REDIC1: variants seen among roughly 807,000 people sequenced by gnomAD.
REDIC1 encodes HEI10 Interacting Protein 1.
At chr12:39,711,207 A>G in the REDIC1 span, among the ~76,000 whole-genome samples, 1 of 150,184 alleles carries the variant, frequency 6.7e-6, no homozygotes, top group Non-Finnish European at 1.5e-5. Context: ...CTTCCTTTTT[A>G]TGGCTGCGTT....
At chr12:39,725,732 A>G in the REDIC1 span, among the ~76,000 whole-genome samples, 9 of 151,320 alleles carry the variant, frequency 5.9e-5, no homozygotes, top group African/African-American at 1.7e-4. Context: ...ATTCATGTAT[A>G]TTTTATATAT....
chr12:39,892,743 A>C, the REDIC1 span, among the ~76,000 whole-genome samples: 1 of 152,168 alleles, frequency 6.6e-6, no homozygotes, highest in South Asian at 2.1e-4. Context: ...ATTTGTTCCA[A>C]AGTAGTGACA....
chr12:39,767,966 A>G, the REDIC1 span, among the ~76,000 whole-genome samples: 2 of 152,190 alleles, frequency 1.3e-5, no homozygotes, highest in South Asian at 2.1e-4. Context: ...TCTTTCCTTT[A>G]TAAACTACCC....
At chr12:39,700,596 A>C in the REDIC1 span, among the ~76,000 whole-genome samples, 7 of 152,114 alleles carry the variant, frequency 4.6e-5, no homozygotes, top group African/African-American at 9.7e-5. Context: ...GCCACAAAAG[A>C]TACTCCTCAA....
At chr12:39,653,252 T>C in the REDIC1 span, among the ~76,000 whole-genome samples, 3 of 152,108 alleles carry the variant, frequency 2.0e-5, no homozygotes, top group East Asian at 5.8e-4. Flanking sequence ...CTTGTTTCTT[T>C]CTTCCTAGTA....
chr12:39,851,702 A>G, the REDIC1 span, among the ~76,000 whole-genome samples: 1 of 152,224 alleles, frequency 6.6e-6, no homozygotes, highest in Non-Finnish European at 1.5e-5. Context: ...AGCGGAATGA[A>G]GGATGGATTT....
At chr12:39,854,142 A>T in the REDIC1 span, among the ~76,000 whole-genome samples, 3 of 151,820 alleles carry the variant, frequency 2.0e-5, no homozygotes, top group Non-Finnish European at 4.4e-5. Context: ...TAAGGGAGGC[A>T]GGTGGACAGA....
At chr12:39,710,642 G>C in the REDIC1 span, among the ~76,000 whole-genome samples, 1 of 151,526 alleles carries the variant, frequency 6.6e-6, no homozygotes, top group Non-Finnish European at 1.5e-5. Flanking sequence ...CATTCAAAAC[G>C]TACTCTCTAT....
At chr12:39,843,107 G>A in the REDIC1 span, among the ~76,000 whole-genome samples, 11 of 152,012 alleles carry the variant, frequency 7.2e-5, no homozygotes, top group East Asian at 1.9e-4. Context: ...GAGTAGATAC[G>A]TGCTTTCAGT....
the REDIC1 span, chr12:39,646,746 GT>G: frequency 1.2e-6 from 1 of 810,344 alleles, no homozygotes; most frequent in Non-Finnish European, 1.9e-6. Context: ...GTTTCTATAT[GT>G]TTTGTGTAGA....
the REDIC1 span, among the ~76,000 whole-genome samples, chr12:39,694,261 A>G: frequency 2.6e-5 from 4 of 152,180 alleles, no homozygotes; most frequent in Non-Finnish European, 5.9e-5. Flanking sequence ...CTACACACAA[A>G]AAAACACCTT....
chr12:39,842,826 G>C, the REDIC1 span, among the ~76,000 whole-genome samples: 3 of 151,940 alleles, frequency 2.0e-5, no homozygotes, highest in South Asian at 6.2e-4. Flanking sequence ...TGTCTCTATG[G>C]ATTTGCTATT....
the REDIC1 span, among the ~76,000 whole-genome samples, chr12:39,668,825 G>T: frequency 1.3e-5 from 2 of 151,740 alleles, no homozygotes; most frequent in South Asian, 2.1e-4. Flanking sequence ...CACCAACACC[G>T]TTTTTTCCAG....
At chr12:39,629,760 A>AG in the REDIC1 span, among the ~76,000 whole-genome samples, 4 of 152,268 alleles carry the variant, frequency 2.6e-5, no homozygotes, top group South Asian at 8.3e-4. Flanking sequence ...AAAGAGATTG[A>AG]TCTAAGAAAT....
At chr12:39,896,249 CATGTATGTATATGTGTGTATATAT>C in the REDIC1 span, among the ~76,000 whole-genome samples, 9 of 92,524 alleles carry the variant, frequency 9.7e-5, no homozygotes, top group Admixed American at 4.4e-4. Context: ...TATATGTATA[CATGTATGTATATGTGTGTATATAT>C]GTATACATGT....
chr12:39,711,526 T>A, the REDIC1 span, among the ~76,000 whole-genome samples: 1 of 140,216 alleles, frequency 7.1e-6, no homozygotes, highest in Non-Finnish European at 1.6e-5. Context: ...TATGTGTATA[T>A]GTGTATATAC....
the REDIC1 span, chr12:39,720,993 A>G: frequency 6.2e-7 from 1 of 1,613,798 alleles, no homozygotes; most frequent in East Asian, 2.2e-5. Context: ...ATCAGTTTCC[A>G]CAGTTGCAGT....
At chr12:39,727,630 T>A in the REDIC1 span, among the ~76,000 whole-genome samples, 5 of 152,208 alleles carry the variant, frequency 3.3e-5, no homozygotes, top group Non-Finnish European at 7.3e-5. Flanking sequence ...CATATGAAAT[T>A]TAGCTTTTTC....
the REDIC1 span, among the ~76,000 whole-genome samples, chr12:39,869,208 A>G: frequency 2.0e-5 from 3 of 152,232 alleles, no homozygotes; most frequent in Non-Finnish European, 2.9e-5. Context: ...AGAAAAATCA[A>G]TTGTGAGTGA....
Sources: gnomAD v4.1 joint callset for allele counts (sites outside exome capture counted in the v4.1 genomes callset) on GRCh38, gnomAD v4.1.1 for gene constraint, MANE v1.5 for transcripts, NCBI Gene and HGNC (gene_info 2026-07-23, HGNC 2026-07-21) for gene names.